The following ZNF804A variants were observed in gnomAD, a reference collection of about 807,000 sequenced individuals.
ZNF804A encodes zinc finger protein 804A.
In ZNF804A, 2 loss-of-function variants were observed where a neutral mutation model predicts 16.5. The observed-to-expected ratio is 0.12, with a 90% CI of 0.05 to 0.38. ZNF804A has a LOEUF of 0.38. ZNF804A is among the 10% of genes least tolerant of loss of function. ZNF804A has a pLI of 0.99. For missense variants in ZNF804A, 1,473 were observed against 1,390.7 expected, an observed-to-expected ratio of 1.06 and a Z score of -0.94; for synonymous variants, 534 against 489.6, an observed-to-expected ratio of 1.09 and a Z score of -1.20.
intron 2 of ZNF804A, among the ~76,000 whole-genome samples, chr2:184,909,802 T>A (rs143779207): frequency 6.6e-6 from 1 of 151,972 alleles, no homozygotes; most frequent in East Asian, 1.9e-4. Context: ...TACTGAGGAA[T>A]AGGCAGTATA....
chr2:184,689,374 AT>A (rs991735735), intron 1 of ZNF804A, among the ~76,000 whole-genome samples: 15 of 152,126 alleles, frequency 9.9e-5, no homozygotes, highest in African/African-American at 3.6e-4. Context: ...TAGTGTTCAA[AT>A]TTTTGACTTA....
intron 2 of ZNF804A, among the ~76,000 whole-genome samples, chr2:184,899,190 T>C (rs1407645295): frequency 6.6e-6 from 1 of 151,936 alleles, no homozygotes; most frequent in Non-Finnish European, 1.5e-5. Context: ...AGTTCTAACT[T>C]CTCAAAAGCC....
chr2:184,784,118 G>T (rs1694412298), intron 1 of ZNF804A, among the ~76,000 whole-genome samples: 1 of 151,828 alleles, frequency 6.6e-6, no homozygotes, highest in Admixed American at 6.6e-5. Flanking sequence ...CAAATGAAAA[G>T]GTGCTCATGA....
At chr2:184,679,351 A>G (rs1171985849) in intron 1 of ZNF804A, among the ~76,000 whole-genome samples, 2 of 152,222 alleles carry the variant, frequency 1.3e-5, no homozygotes, top group African/African-American at 4.8e-5. Flanking sequence ...GCCATTGCAA[A>G]GATGCCAGCT....
At chr2:184,917,889 A>C (rs1313538354) in intron 2 of ZNF804A, among the ~76,000 whole-genome samples, 1 of 152,054 alleles carries the variant, frequency 6.6e-6, no homozygotes, top group African/African-American at 2.4e-5. Flanking sequence ...GTAACTGGCC[A>C]CATGGTTATT....
At chr2:184,878,429 C>T (rs1684748472) in intron 2 of ZNF804A, among the ~76,000 whole-genome samples, 1 of 151,872 alleles carries the variant, frequency 6.6e-6, no homozygotes, top group African/African-American at 2.4e-5. Context: ...ATAATGGAGG[C>T]AGCAATATGA....
chr2:184,821,416 A>G (rs1695079936), intron 1 of ZNF804A, among the ~76,000 whole-genome samples: 1 of 152,146 alleles, frequency 6.6e-6, no homozygotes, highest in Non-Finnish European at 1.5e-5. Context: ...AATTAACCCA[A>G]GGTGGATTAA....
chr2:184,724,165 C>G (rs1197853858), intron 1 of ZNF804A, among the ~76,000 whole-genome samples: 1 of 151,550 alleles, frequency 6.6e-6, no homozygotes, highest in African/African-American at 2.4e-5. Context: ...CATTGTAATC[C>G]TGCTTCAAGC....
At chr2:184,743,047 T>C (rs1294321928) in intron 1 of ZNF804A, among the ~76,000 whole-genome samples, 1 of 152,004 alleles carries the variant, frequency 6.6e-6, no homozygotes, top group African/African-American at 2.4e-5. Flanking sequence ...TGCCATGTTG[T>C]TTGGAATTAT....
chr2:184,808,451 T>C (rs1694843974), intron 1 of ZNF804A, among the ~76,000 whole-genome samples: 1 of 151,648 alleles, frequency 6.6e-6, no homozygotes, highest in Non-Finnish European at 1.5e-5. Flanking sequence ...AGCTAAATTA[T>C]TATCAGACAG....
rs942309594 is a variant in ZNF804A at position 184,838,139 on chromosome 2, AT to A, written c.112-28221del. Among the ~76,000 whole-genome samples, 44 of 151,600 alleles carry A rather than the reference AT, an allele frequency of 2.9e-4. No homozygotes were observed. The Middle Eastern group carries it at 0.01, about 35-fold the overall frequency. ...AGCAGGTTGGAGTTTAAGACAGAGAATTTTTTTTTATTGTTCTTATGATTCT... is the reference window on the plus strand; with the variant it reads ...AGCAGGTTGGAGTTTAAGACAGAGAATTTTTTTTATTGTTCTTATGATTCT... On this transcript the variant is annotated intron_variant, in intron 1 of 3. Transcript: ENST00000302277.
intron 1 of ZNF804A, among the ~76,000 whole-genome samples, chr2:184,763,956 T>C (rs1035039045): frequency 5.9e-5 from 9 of 152,074 alleles, no homozygotes. Context: ...TGCTTTTTCC[T>C]TTAATGGTCT....
At chr2:184,617,805 T>C (rs183188006) in intron 1 of ZNF804A, among the ~76,000 whole-genome samples, 5 of 151,790 alleles carry the variant, frequency 3.3e-5, no homozygotes, top group African/African-American at 1.2e-4. Flanking sequence ...CAACAAACTT[T>C]AAATTAATTT....
At chr2:184,877,430 G>C (rs973094150) in intron 2 of ZNF804A, among the ~76,000 whole-genome samples, 7 of 151,936 alleles carry the variant, frequency 4.6e-5, no homozygotes, top group South Asian at 4.2e-4. Flanking sequence ...ATTTGAGAAG[G>C]GTACATTCCT....
chr2:184,723,090 T>A (rs1216713212), intron 1 of ZNF804A, among the ~76,000 whole-genome samples: 1 of 151,886 alleles, frequency 6.6e-6, no homozygotes, highest in Admixed American at 6.6e-5. Flanking sequence ...ACATGGATAA[T>A]CTGTTAAATA....
chr2:184,883,054 CA>C (rs1395480866), intron 2 of ZNF804A, among the ~76,000 whole-genome samples: 2 of 151,806 alleles, frequency 1.3e-5, no homozygotes, highest in East Asian at 1.9e-4. Context: ...CAAAGAAAAA[CA>C]GAGAGAAGAT....
intron 1 of ZNF804A, among the ~76,000 whole-genome samples, chr2:184,834,381 C>G (rs1179740037): frequency 2.6e-5 from 4 of 152,018 alleles, no homozygotes; most frequent in Non-Finnish European, 5.9e-5. Flanking sequence ...TGCCCTTAGC[C>G]CTAGAATCAG....
chr2:184,792,612 A>G (rs911099230), intron 1 of ZNF804A, among the ~76,000 whole-genome samples: 1 of 152,084 alleles, frequency 6.6e-6, no homozygotes, highest in African/African-American at 2.4e-5. Flanking sequence ...CTCCTAGTCT[A>G]TGGTTTAACC....
chr2:184,858,433 G>T (rs1491003003), intron 1 of ZNF804A, among the ~76,000 whole-genome samples: 1 of 151,386 alleles, frequency 6.6e-6, no homozygotes, highest in African/African-American at 2.4e-5. Flanking sequence ...GAACCTGGGA[G>T]GTGAAGTTTG....
Sources: gnomAD v4.1 joint callset for allele counts (sites outside exome capture counted in the v4.1 genomes callset) on GRCh38, gnomAD v4.1.1 for gene constraint, MANE v1.5 for transcripts, NCBI Gene and HGNC (gene_info 2026-07-23, HGNC 2026-07-21) for gene names.